Variants in CSRP1 observed in about 807,000 individuals in gnomAD.
CSRP1 encodes the protein cysteine and glycine rich protein 1.
In CSRP1, 16 loss-of-function variants were observed where a neutral mutation model predicts 25.4. The ratio of observed to expected loss-of-function variants is 0.63; its 90% CI spans 0.43 to 0.96. The LOEUF is 0.96. Ranked by LOEUF, CSRP1 falls within the 40% of genes least tolerant of loss-of-function variation. The probability of loss-of-function intolerance (pLI) is 0.00; values close to 1 mark genes in which losing one functional copy is unlikely to be tolerated. For missense variants in CSRP1, 212 were observed against 243.6 expected (o/e 0.87, Z 0.86); for synonymous variants, 97 against 95.3 (o/e 1.02, Z -0.10).
At chr1:201,500,413 T>A (rs759512351) in intron 1 of CSRP1, among the ~76,000 whole-genome samples, 4 of 152,244 alleles carry the variant, frequency 2.6e-5, no homozygotes, top group African/African-American at 9.6e-5. Context: ...CCCCAGGGAA[T>A]CAAGAACATG....
chr1:201,486,603 A>AC lies in CSRP1; in HGVS notation c.412-1228dup, dbSNP rs1664151848. 4.0e-6 allele frequency: 4 copies of AC among 996,456 alleles called. No individual in the cohort carries two copies. The South Asian group carries it at 1.8e-4, about 44-fold the overall frequency. 61.7% of individuals were successfully genotyped at this position (996,456 alleles called of 1,614,324 possible). ...CCTCCTCTGTAAAGCAGGGGCTGCT[A>AC]CCCCAAGCTCTCTAGGCTGGAGAAA... is the stretch of plus-strand genomic sequence containing the variant. On this transcript the variant is annotated intron_variant, in intron 4 of 5. Transcript: ENST00000340006.
chr1:201,492,093 C>T (rs1381969940), intron 2 of CSRP1: 2 of 152,236 alleles, frequency 1.3e-5, no homozygotes, highest in Non-Finnish European at 2.9e-5. Flanking sequence ...CTCCAACATT[C>T]CCTTCTAGGG....
At chr1:201,505,535 G>A (rs1251943285) in intron 1 of CSRP1, among the ~76,000 whole-genome samples, 3 of 151,880 alleles carry the variant, frequency 2.0e-5, no homozygotes, top group Non-Finnish European at 4.4e-5. Context: ...CTCCATCCTG[G>A]GCATCTCAGG....
chr1:201,487,778 G>A (rs987928573), intron 4 of CSRP1: 1 of 152,208 alleles, frequency 6.6e-6, no homozygotes, highest in Non-Finnish European at 1.5e-5. Context: ...CCTAGCTAGC[G>A]GATCTGGGCA....
At chr1:201,495,741 GCCTGC>G (rs1258324468) in intron 2 of CSRP1, 2 of 156,932 alleles carry the variant, frequency 1.3e-5, no homozygotes, top group African/African-American at 4.8e-5. Flanking sequence ...GAACAGGCCA[GCCTGC>G]AAGGGGCTGA....
chr1:201,484,599 G>T lies in CSRP1; in HGVS notation c.*114C>A. ...CCAGATGCCCAAGTTCAAGTCATTA[G>T]TGATATGTGGCAGGGCTGACAGAGA... is the stretch of plus-strand genomic sequence containing the variant. On this transcript the variant is annotated 3_prime_UTR_variant, in exon 6 of 6. Coordinates refer to ENST00000340006, the MANE Select transcript of CSRP1 (RefSeq NM_004078.3). The T allele has an allele frequency of 2.0e-6, 2 of 1,019,536 alleles. No individual in the cohort carries two copies. The highest frequency in any genetic ancestry group is 2.9e-6 in the Non-Finnish European group (2 of 683,236). The allele number at this position is 1,019,536 out of a possible 1,614,324, so 63.2% of individuals were successfully genotyped here.
At chr1:201,495,038 T>C (rs533493621) in intron 2 of CSRP1, among the ~76,000 whole-genome samples, 2 of 152,284 alleles carry the variant, frequency 1.3e-5, no homozygotes, top group South Asian at 4.1e-4. Context: ...ATCACACAGA[T>C]AATAAACACC....
Position 201,484,252 on chromosome 1 carries a change from C to T in CSRP1, c.*461G>A. On this transcript the variant is annotated 3_prime_UTR_variant, in exon 6 of 6. Coordinates refer to ENST00000340006, the MANE Select transcript of CSRP1 (RefSeq NM_004078.3). Reference sequence around the variant, plus strand: ...GGACACCAGGAAGCTCAACCTCTTTCCCACAGAGGAGAATCTCTGAGATCC... The same window carrying T: ...GGACACCAGGAAGCTCAACCTCTTTTCCACAGAGGAGAATCTCTGAGATCC... The T allele has an allele frequency of 2.0e-6, 1 of 506,166 alleles. No homozygotes were observed. Among genetic ancestry groups the T allele is most frequent in the Non-Finnish European group, 3.5e-6 (1 of 282,232 alleles). 31.4% of individuals were successfully genotyped at this position (506,166 alleles called of 1,614,324 possible).
At position 201,490,452 on chromosome 1, in the gene CSRP1, A is replaced by G. The variant is rs916820323; in HGVS notation, c.113-108T>C. On this transcript the variant is annotated intron_variant, in intron 2 of 5. Coordinates refer to ENST00000340006, the MANE Select transcript of CSRP1 (RefSeq NM_004078.3). Reference sequence around the variant, plus strand: ...GCTCTCTGGCCTCTTTGCATACATAATATCCTGATCTTTCAGGAACTGTCT... The same window carrying G: ...GCTCTCTGGCCTCTTTGCATACATAGTATCCTGATCTTTCAGGAACTGTCT... 9.6e-6 allele frequency: 11 copies of G among 1,141,888 alleles called. No homozygotes were observed. The African/African-American group carries it at 1.7e-4, about 17-fold the overall frequency. The allele number at this position is 1,141,888 out of a possible 1,614,324, so 70.7% of individuals were successfully genotyped here. A position where few individuals can be genotyped will look rare whatever the true frequency, so the allele number is the denominator to read the frequency against.
intron 4 of CSRP1, chr1:201,486,990 T>A (rs371891189): frequency 7.7e-7 from 1 of 1,301,654 alleles, no homozygotes; most frequent in African/African-American, 1.5e-5. Flanking sequence ...ATGGCAAGGA[T>A]CTTCATTGTG....
intron 1 of CSRP1, among the ~76,000 whole-genome samples, chr1:201,497,880 C>T (rs1664557893): frequency 1.3e-5 from 2 of 151,960 alleles, no homozygotes; most frequent in African/African-American, 2.4e-5. Flanking sequence ...CGTGGTGGCA[C>T]CTGCCTGTAA....
chr1:201,504,928 G>A (rs1239979975), intron 1 of CSRP1, among the ~76,000 whole-genome samples: 5 of 152,140 alleles, frequency 3.3e-5, no homozygotes, highest in Non-Finnish European at 7.4e-5. Context: ...GCGAAATGCC[G>A]TCTCTACTAA....
At chr1:201,490,813 T>C (rs1486998141) in intron 2 of CSRP1, 2 of 153,886 alleles carry the variant, frequency 1.3e-5, no homozygotes, top group African/African-American at 4.8e-5. Context: ...TATCTGTGCA[T>C]GTTGGCAGGG....
At chr1:201,502,025 A>G (rs897151791) in intron 1 of CSRP1, among the ~76,000 whole-genome samples, 1 of 151,412 alleles carries the variant, frequency 6.6e-6, no homozygotes, top group Non-Finnish European at 1.5e-5. Context: ...ATAAATAAAT[A>G]AATAAAGTCT....
rs930665317 is a variant in CSRP1, at chr1:201,494,678, A to C, written c.112+1514T>G. Among the ~76,000 whole-genome samples the C allele has an allele frequency of 2.6e-5, 4 of 152,186 alleles. No homozygotes were observed. The South Asian group carries it at 8.3e-4, about 32-fold the overall frequency. ...GTGGCTCTTGGCCCATCTGTATCCT[A>C]CTCTGGAGCACAAATCATGAAACTT... On this transcript the variant is annotated intron_variant, in intron 2 of 5. Coordinates refer to ENST00000340006, the MANE Select transcript of CSRP1 (RefSeq NM_004078.3).
rs568503935 is a variant in CSRP1, at chr1:201,493,830, A to G, written c.112+2362T>C. 2.6e-5 allele frequency among the ~76,000 whole-genome samples: 4 copies of G among 152,312 alleles called. No homozygotes were observed. In the East Asian group the frequency reaches 7.7e-4, roughly 29 times the overall value. The stretch of plus-strand genomic sequence containing the variant: ...AGTGGGCACCCTGAATGGGGTGAAC[A>G]CTTATCACCCACTTCACTGGAAAAG... On this transcript the variant is annotated intron_variant, in intron 2 of 5. Coordinates refer to ENST00000340006, the MANE Select transcript of CSRP1 (RefSeq NM_004078.3).
intron 5 of CSRP1, 124 bp from the exon 6 acceptor site, chr1:201,484,913 T>G (rs1431541818): frequency 1.3e-6 from 1 of 784,634 alleles, no homozygotes; most frequent in East Asian, 2.6e-5. Context: ...GAAGGTCCAC[T>G]GGTACCCCCT....
chr1:201,496,414 T>G (rs1664517334), intron 1 of CSRP1, 110 bp from the exon 2 acceptor site: 1 of 931,170 alleles, frequency 1.1e-6, no homozygotes, highest in East Asian at 2.5e-5. Flanking sequence ...AAGACAAAAG[T>G]AGAATGCCTG....
chr1:201,505,184 G>T (rs1447131435), intron 1 of CSRP1, among the ~76,000 whole-genome samples: 2 of 152,116 alleles, frequency 1.3e-5, no homozygotes, highest in African/African-American at 4.8e-5. Flanking sequence ...GGAAAAACTG[G>T]CTAGTAACTA....
Sources: gnomAD v4.1 joint callset for allele counts (sites outside exome capture counted in the v4.1 genomes callset) on GRCh38, gnomAD v4.1.1 for gene constraint, MANE v1.5 for transcripts, NCBI Gene and HGNC (gene_info 2026-07-23, HGNC 2026-07-21) for gene names.